Variants in HPSE2 observed in about 807,000 individuals in gnomAD.
HPSE2 encodes the protein heparanase 2 (inactive), also known as inactive heparanase-2.
Under a neutral mutation model 60.5 loss-of-function variants are expected in HPSE2, and 38 were observed. The observed-to-expected ratio is 0.63, with a 90% CI of 0.48 to 0.82. The LOEUF (loss-of-function observed/expected upper bound fraction) is 0.82. Ranked by LOEUF, HPSE2 falls within the 40% of genes least tolerant of loss-of-function variation. HPSE2 has a pLI of 0.00. For synonymous variants in HPSE2, 295 were observed against 293.2 expected, an observed-to-expected ratio of 1.01 and a Z score of -0.06; for missense variants, 713 against 740.4, an observed-to-expected ratio of 0.96 and a Z score of 0.43.
intron 3 of HPSE2, among the ~76,000 whole-genome samples, chr10:99,096,962 G>A (rs1416534866): frequency 4.6e-5 from 7 of 152,174 alleles, no homozygotes; most frequent in African/African-American, 1.7e-4. Context: ...ATGCCAGACA[G>A]GGTGGACCAC....
chr10:99,135,243 C>A (rs191239184), intron 3 of HPSE2, among the ~76,000 whole-genome samples: 1 of 152,196 alleles, frequency 6.6e-6, no homozygotes, highest in Non-Finnish European at 1.5e-5. Flanking sequence ...TGTAGACTCC[C>A]ACACAATAAC....
chr10:98,503,648 CTG>C (rs1344603594), intron 9 of HPSE2, among the ~76,000 whole-genome samples: 1 of 152,102 alleles, frequency 6.6e-6, no homozygotes, highest in Admixed American at 6.5e-5. Context: ...AATAAAGAAA[CTG>C]TGGTATATTT....
chr10:98,677,965 C>T (rs10883156), intron 6 of HPSE2, among the ~76,000 whole-genome samples: 7,294 of 152,130 alleles, frequency 0.048, 397 homozygotes, highest in East Asian at 0.17. Context: ...CTTTCAATGA[C>T]TTTTGAAAGT....
At position 99,190,846 on chromosome 10, in the gene HPSE2, G is replaced by T. The variant is rs139674095; in HGVS notation, c.448+41502C>A. On this transcript the variant is annotated intron_variant, in intron 2 of 11. Coordinates refer to ENST00000370552, the MANE Select transcript of HPSE2 (RefSeq NM_021828.5). ...TGGGAGTCCCCAGCTCTAGGCCTTGGCTCCTAGATGGCGTGTCTGGACCTG... is the reference window on the plus strand; with the variant it reads ...TGGGAGTCCCCAGCTCTAGGCCTTGTCTCCTAGATGGCGTGTCTGGACCTG... 6.0e-4 allele frequency among the ~76,000 whole-genome samples: 92 copies of T among 152,314 alleles called. 1 individual carries two copies. In the East Asian group the frequency reaches 0.013, roughly 22 times the overall value.
intron 3 of HPSE2, among the ~76,000 whole-genome samples, chr10:98,845,591 T>G (rs564325359): frequency 1.3e-5 from 2 of 152,366 alleles, no homozygotes; most frequent in Admixed American, 1.3e-4. Flanking sequence ...TTTTCCATGG[T>G]GACCACTTTG....
At chr10:98,554,142 C>T (rs1943937784) in intron 9 of HPSE2, among the ~76,000 whole-genome samples, 1 of 152,194 alleles carries the variant, frequency 6.6e-6, no homozygotes, top group Non-Finnish European at 1.5e-5. Flanking sequence ...CCCACCAAGG[C>T]TCAGACTCAA....
intron 9 of HPSE2, among the ~76,000 whole-genome samples, chr10:98,603,674 C>T (rs1050372550): frequency 6.6e-6 from 1 of 152,136 alleles, no homozygotes; most frequent in South Asian, 2.1e-4. Flanking sequence ...GTGATCTGCC[C>T]ACCTTGGCCT....
intron 3 of HPSE2, among the ~76,000 whole-genome samples, chr10:99,037,920 CAAAT>C (rs1222451892): frequency 1.3e-5 from 2 of 151,848 alleles, no homozygotes; most frequent in Non-Finnish European, 1.5e-5. Flanking sequence ...ATACAGACGA[CAAAT>C]AAGCACATGA....
chr10:98,509,122 T>G (rs1942300089), intron 9 of HPSE2, among the ~76,000 whole-genome samples: 1 of 152,142 alleles, frequency 6.6e-6, no homozygotes, highest in Non-Finnish European at 1.5e-5. Context: ...AAGACCATTC[T>G]GGCCAACAGG....
At chr10:98,875,560 C>G (rs1189726717) in intron 3 of HPSE2, among the ~76,000 whole-genome samples, 1 of 151,702 alleles carries the variant, frequency 6.6e-6, no homozygotes, top group African/African-American at 2.4e-5. Context: ...AAAAAAAAAC[C>G]ATGACCAGAT....
intron 9 of HPSE2, among the ~76,000 whole-genome samples, chr10:98,526,644 T>C (rs1942975560): frequency 6.6e-6 from 1 of 152,206 alleles, no homozygotes; most frequent in Non-Finnish European, 1.5e-5. Flanking sequence ...ATGGTCATCA[T>C]TAAGTTTACA....
intron 2 of HPSE2, among the ~76,000 whole-genome samples, chr10:99,176,754 G>A (rs1847541280): frequency 6.6e-6 from 1 of 152,024 alleles, no homozygotes; most frequent in Admixed American, 6.6e-5. Flanking sequence ...CATTCAAATT[G>A]AGGAAATACA....
chr10:98,533,291 A>C (rs1014150818), intron 9 of HPSE2, among the ~76,000 whole-genome samples: 1 of 152,236 alleles, frequency 6.6e-6, no homozygotes, highest in Non-Finnish European at 1.5e-5. Flanking sequence ...GTAAAGTAGA[A>C]TTTTATAGAA....
chr10:98,527,964 G>A (rs1258585543), intron 9 of HPSE2, among the ~76,000 whole-genome samples: 1 of 152,222 alleles, frequency 6.6e-6, no homozygotes, highest in Non-Finnish European at 1.5e-5. Flanking sequence ...AAGCCCCCAA[G>A]TTGCTGATCT....
At chr10:98,580,854 G>GTA (rs1200752737) in intron 9 of HPSE2, among the ~76,000 whole-genome samples, 3 of 131,630 alleles carry the variant, frequency 2.3e-5, no homozygotes, top group Non-Finnish European at 4.9e-5. Context: ...GTGTGTGTGT[G>GTA]TGTGTGTGTG....
intron 6 of HPSE2, among the ~76,000 whole-genome samples, chr10:98,680,670 C>A (rs1181285037): frequency 3.3e-5 from 5 of 152,168 alleles, no homozygotes; most frequent in Admixed American, 3.3e-4. Context: ...ATGGGAAATA[C>A]ACATACTTTG....
intron 3 of HPSE2, among the ~76,000 whole-genome samples, chr10:98,940,029 A>G (rs1171199414): frequency 7.0e-6 from 1 of 143,808 alleles, no homozygotes; most frequent in Non-Finnish European, 1.5e-5. Flanking sequence ...GTCCTTTGAA[A>G]CCAACGAGAA....
intron 3 of HPSE2, among the ~76,000 whole-genome samples, chr10:98,936,709 G>A (rs151263556): frequency 0.018 from 2,626 of 142,698 alleles, 584 homozygotes; most frequent in African/African-American, 0.07. Flanking sequence ...GGCCAGGTGC[G>A]GTGGCTCACG....
chr10:99,065,696 T>C (rs529413736), intron 3 of HPSE2, among the ~76,000 whole-genome samples: 1 of 152,274 alleles, frequency 6.6e-6, no homozygotes, highest in East Asian at 1.9e-4. Flanking sequence ...AGAAGAAATA[T>C]CTAAGCCAAG....
Sources: allele counts gnomAD v4.1 joint callset (sites outside exome capture counted in the v4.1 genomes callset), GRCh38; gene constraint gnomAD v4.1.1; transcripts MANE v1.5; gene names NCBI Gene and HGNC (gene_info 2026-07-23, HGNC 2026-07-21).